The following HS3ST4 variants were observed in gnomAD, a reference collection of about 807,000 sequenced individuals.
The protein encoded by HS3ST4 is heparan sulfate glucosamine 3-O-sulfotransferase 4.
HS3ST4 carries 17 observed loss-of-function variants against 29.2 expected under a neutral mutation model. That is an observed-to-expected ratio of 0.58 (90% CI 0.40 to 0.87). The LOEUF (loss-of-function observed/expected upper bound fraction) is 0.87, where lower values mean the gene tolerates loss of function less well. Among genes scored for constraint, HS3ST4 ranks in the 40% least tolerant of loss-of-function variants. The pLI, the probability that HS3ST4 is intolerant of heterozygous loss-of-function variation, is 0.00. For synonymous variants in HS3ST4, 314 were observed against 285.7 expected (o/e 1.10, Z -1.00); for missense variants, 627 against 634.5 (o/e 0.99, Z 0.13).
chr16:26,124,719 A>G (rs1026134296), intron 1 of HS3ST4, among the ~76,000 whole-genome samples: 1 of 152,206 alleles, frequency 6.6e-6, no homozygotes, highest in African/African-American at 2.4e-5. Flanking sequence ...ATCCAAGAAC[A>G]TAGCTGTGGG....
At chr16:26,080,027 A>G (rs931175987) in intron 1 of HS3ST4, among the ~76,000 whole-genome samples, 6 of 152,198 alleles carry the variant, frequency 3.9e-5, no homozygotes, top group Non-Finnish European at 5.9e-5. Context: ...AGCACAGATA[A>G]TTCAAGTATC....
chr16:25,870,986 T>C (rs886869002), intron 1 of HS3ST4, among the ~76,000 whole-genome samples: 5 of 152,314 alleles, frequency 3.3e-5, no homozygotes, highest in Non-Finnish European at 7.4e-5. Context: ...TTTAATAGGA[T>C]ATTCCCTGGA....
rs189240810 is a variant in HS3ST4 at position 25,969,814 on chromosome 16, G to A, written c.735-165798G>A. Among the ~76,000 whole-genome samples the A allele has an allele frequency of 1.2e-4, 19 of 152,310 alleles. No individual in the cohort carries two copies. The East Asian group carries it at 3.7e-3, about 29-fold the overall frequency. ...TGAGTTTGTCCTCTTCTGATAAGGA[G>A]CAGATGGTCCCCATTTCAGATCATC... On this transcript the variant is annotated intron_variant, in intron 1 of 1. Transcript: ENST00000331351.
intron 1 of HS3ST4, among the ~76,000 whole-genome samples, chr16:25,904,261 T>C (rs1968158426): frequency 6.6e-6 from 1 of 152,088 alleles, no homozygotes; most frequent in South Asian, 2.1e-4. Context: ...GAAGAATGGA[T>C]GGATGAGTGA....
intron 1 of HS3ST4, among the ~76,000 whole-genome samples, chr16:25,783,635 C>T (rs1471886240): frequency 6.6e-6 from 1 of 152,082 alleles, no homozygotes; most frequent in African/African-American, 2.4e-5. Flanking sequence ...GCTTATTCAG[C>T]CGCTGAGGTT....
chr16:26,024,939 C>A (rs1969452119), intron 1 of HS3ST4, among the ~76,000 whole-genome samples: 1 of 152,134 alleles, frequency 6.6e-6, no homozygotes. Context: ...GCCAGCAAAG[C>A]ACTTGTTTGT....
Position 25,777,846 on chromosome 16 carries a change from A to G in HS3ST4, c.734+84695A>G, listed in dbSNP as rs564585371. Among the ~76,000 whole-genome samples, 17 of 152,122 alleles carry G rather than the reference A, an allele frequency of 1.1e-4. No homozygotes were observed. The South Asian group carries it at 3.5e-3, about 32-fold the overall frequency. ...AAAAGAAATTGTGTAGACCTCCAAT[A>G]TGCCAATATAGAATGCCTTCTGGTG... On this transcript the variant is annotated intron_variant, in intron 1 of 1. Transcript: ENST00000331351.
intron 1 of HS3ST4, among the ~76,000 whole-genome samples, chr16:26,126,199 C>T (rs1899341563): frequency 6.6e-6 from 1 of 152,182 alleles, no homozygotes; most frequent in Non-Finnish European, 1.5e-5. Context: ...CCCTCTGAGT[C>T]AATGTTGGCC....
At chr16:25,861,973 G>C (rs748467563) in intron 1 of HS3ST4, among the ~76,000 whole-genome samples, 1 of 151,972 alleles carries the variant, frequency 6.6e-6, no homozygotes, top group East Asian at 1.9e-4. Flanking sequence ...AACCATTTTG[G>C]CACTAGGGAT....
intron 1 of HS3ST4, among the ~76,000 whole-genome samples, chr16:25,885,003 G>C (rs73515339): frequency 0.013 from 1,971 of 152,244 alleles, 37 homozygotes; most frequent in African/African-American, 0.044. Flanking sequence ...AGTCAGGAAG[G>C]TTAGGAGGAG....
chr16:25,995,789 A>C (rs1771551271), intron 1 of HS3ST4, among the ~76,000 whole-genome samples: 1 of 152,186 alleles, frequency 6.6e-6, no homozygotes, highest in Non-Finnish European at 1.5e-5. Context: ...AGAAATAAAA[A>C]CACATACTTA....
chr16:26,068,944 A>G (rs887454352), intron 1 of HS3ST4, among the ~76,000 whole-genome samples: 2 of 151,990 alleles, frequency 1.3e-5, no homozygotes, highest in African/African-American at 4.8e-5. Flanking sequence ...GCCAATATCT[A>G]TATTATTTAT....
At chr16:26,085,673 C>T (rs777621937) in intron 1 of HS3ST4, among the ~76,000 whole-genome samples, 1 of 152,048 alleles carries the variant, frequency 6.6e-6, no homozygotes, top group Non-Finnish European at 1.5e-5. Flanking sequence ...GACTTCAAGA[C>T]CAGCCTGGGC....
At position 25,692,626 on chromosome 16, in the gene HS3ST4, G is replaced by A; in HGVS notation, c.209G>A (p.Gly70Asp). 7.3e-7 allele frequency: 1 copy of A among 1,370,670 alleles called. No individual in the cohort carries two copies. Among genetic ancestry groups the A allele is most frequent in the South Asian group, 1.5e-5 (1 of 65,470 alleles). 84.9% of individuals were successfully genotyped at this position (1,370,670 alleles called of 1,614,324 possible). ...CCTCTGGCGCTGCAGGAGTCGCCGG[G>A]CGCCGCCGCCGAGCCCCCGCCGAGC... The part of the protein sequence containing the change: ...QFPLALQESP[G>D]AAAEPPPSPP... The change falls in exon 1 of 2, where the codon GGC (glycine) becomes GAC (aspartate). Residue 70 changes from glycine (G) to aspartate (D), a missense_variant. Gly to Asp is a moderately conservative substitution (Grantham distance 94). Around this residue, in one of 2 missense-constraint regions of HS3ST4, gnomAD observed 402 missense variants for 340.8 expected, o/e 1.18. Transcript: ENST00000331351.
At chr16:26,008,790 G>C (rs1431641024) in intron 1 of HS3ST4, among the ~76,000 whole-genome samples, 1 of 152,196 alleles carries the variant, frequency 6.6e-6, no homozygotes, top group Non-Finnish European at 1.5e-5. Context: ...CTACACTCCA[G>C]CCTGGGCGAT....
At chr16:25,760,582 C>G (rs2141606082) in intron 1 of HS3ST4, among the ~76,000 whole-genome samples, 1 of 152,168 alleles carries the variant, frequency 6.6e-6, no homozygotes, top group East Asian at 1.9e-4. Context: ...CCACACCTAG[C>G]TAATTTTTGT....
intron 1 of HS3ST4, among the ~76,000 whole-genome samples, chr16:25,909,363 A>G (rs1968213513): frequency 6.6e-6 from 1 of 151,904 alleles, no homozygotes; most frequent in Non-Finnish European, 1.5e-5. Context: ...TAATTTTTAT[A>G]TTTTTTGTGG....
chr16:25,774,694 C>T (rs765753952), intron 1 of HS3ST4, among the ~76,000 whole-genome samples: 2 of 152,228 alleles, frequency 1.3e-5, no homozygotes, highest in African/African-American at 4.8e-5. Flanking sequence ...GCCAAGTGTG[C>T]GTGGCATACT....
chr16:25,807,071 C>CA (rs1966997299), intron 1 of HS3ST4, among the ~76,000 whole-genome samples: 1 of 152,192 alleles, frequency 6.6e-6, no homozygotes, highest in Non-Finnish European at 1.5e-5. Context: ...TTCCCAGGTA[C>CA]AAGCAATTCT....
Sources: allele counts gnomAD v4.1 joint callset (sites outside exome capture counted in the v4.1 genomes callset), GRCh38; gene constraint gnomAD v4.1.1; regional missense constraint gnomAD v4.1.1; transcripts MANE v1.5; gene names NCBI Gene and HGNC (gene_info 2026-07-23, HGNC 2026-07-21).